NR1D2: variants seen among roughly 807,000 people sequenced by gnomAD.
NR1D2 encodes the protein V-erbA-related protein 1-related.
NR1D2 carries 25 observed loss-of-function variants against 52.2 expected under a neutral mutation model. That is an observed-to-expected ratio of 0.48 (90% CI 0.35 to 0.67). NR1D2 has a LOEUF of 0.67. NR1D2 is among the 30% of genes least tolerant of loss of function. The probability of loss-of-function intolerance (pLI) is 0.01; values close to 1 mark genes in which losing one functional copy is unlikely to be tolerated. For synonymous variants in NR1D2, 259 were observed against 230.1 expected, an observed-to-expected ratio of 1.13 and a Z score of -1.14; for missense variants, 681 against 707.2, an observed-to-expected ratio of 0.96 and a Z score of 0.42.
chr3:23,966,169 G>A (rs924073238), intron 6 of NR1D2, among the ~76,000 whole-genome samples: 1 of 152,216 alleles, frequency 6.6e-6, no homozygotes, highest in East Asian at 1.9e-4. Flanking sequence ...CTGAGATTGG[G>A]GTGGTGAGAG....
At chr3:23,956,227 A>G in intron 3 of NR1D2, 102 bp downstream of exon 3, 2 of 846,014 alleles carry the variant, frequency 2.4e-6, no homozygotes, top group Admixed American at 3.8e-5. Context: ...AGACAGTGAG[A>G]AGTCAGCTGC....
intron 1 of NR1D2, among the ~76,000 whole-genome samples, chr3:23,952,557 A>C (rs549693193): frequency 1.2e-4 from 18 of 151,822 alleles, no homozygotes; most frequent in South Asian, 2.1e-4. Flanking sequence ...TAAAAAAAAA[A>C]CAAAAACCAA....
chr3:23,978,134 A>G lies in NR1D2; in HGVS notation c.*715A>G, dbSNP rs1278565607. On this transcript the variant is annotated 3_prime_UTR_variant, in exon 8 of 8. Transcript: ENST00000312521. ...TGGGAAATCATTTCAGTCCACACCA[A>G]CCATATTATTCAGGGTTCCTGCCAT... 4 of 152,208 alleles carry G rather than the reference A, an allele frequency of 2.6e-5. No homozygotes were observed. The highest frequency in any genetic ancestry group is 2.6e-4 in the Admixed American group (4 of 15,280). 9.4% of individuals were successfully genotyped at this position (152,208 alleles called of 1,614,324 possible).
At chr3:23,972,939 C>T (rs1166327883) in intron 7 of NR1D2, among the ~76,000 whole-genome samples, 1 of 152,052 alleles carries the variant, frequency 6.6e-6, no homozygotes, top group Non-Finnish European at 1.5e-5. Context: ...CATCCATTTC[C>T]CTGAAGTTCT....
chr3:23,964,073 CT>C (rs1325900166), intron 5 of NR1D2, among the ~76,000 whole-genome samples: 2 of 148,562 alleles, frequency 1.3e-5, no homozygotes, highest in African/African-American at 4.9e-5. Flanking sequence ...TGGGCAGTGA[CT>C]TTTTTTTCTT....
intron 7 of NR1D2, 109 bp downstream of exon 7, chr3:23,968,132 T>G: frequency 9.0e-6 from 7 of 775,464 alleles, no homozygotes; most frequent in Non-Finnish European, 1.5e-5. Context: ...AATAAGGCCT[T>G]AAGGAAGATG....
At chr3:23,960,281 TG>T (rs1173200381) in intron 4 of NR1D2, among the ~76,000 whole-genome samples, 2 of 150,948 alleles carry the variant, frequency 1.3e-5, no homozygotes, top group African/African-American at 4.9e-5. Flanking sequence ...GGCATGCACC[TG>T]TAATCCCAGT....
Position 23,962,311 on chromosome 3 carries a change from A to G in NR1D2, c.852A>G (p.Gly284=). The G allele has an allele frequency of 6.2e-7, 1 of 1,614,250 alleles. No homozygotes were observed. Residue 284 remains glycine, a synonymous_variant, in exon 5 of 8, where the codon GGA becomes GGG. Transcript: ENST00000312521. ...CTGAGAGCATGCAGCCCCAGAGAGGAGAACGGATTCCCAAGAACATGGAGC... is the reference window on the plus strand; with the variant it reads ...CTGAGAGCATGCAGCCCCAGAGAGGGGAACGGATTCCCAAGAACATGGAGC... ...NSAESMQPQR[G]ERIPKNMEQY...
rs1283230675 is a variant in NR1D2 at position 23,980,029 on chromosome 3, G to C, written c.*2610G>C. On this transcript the variant is annotated 3_prime_UTR_variant, in exon 8 of 8. Transcript: ENST00000312521. Reference sequence around the variant, plus strand: ...TCAAGTTGATAGAAATAGCTGAGGGGAAAAGGGGGAACATCTTGGGATGAA... The same window carrying C: ...TCAAGTTGATAGAAATAGCTGAGGGCAAAAGGGGGAACATCTTGGGATGAA... 1 of 152,068 alleles carries C rather than the reference G, an allele frequency of 6.6e-6. No homozygotes were observed. The highest frequency in any genetic ancestry group is 1.9e-4 in the East Asian group (1 of 5,200). 9.4% of individuals were successfully genotyped at this position (152,068 alleles called of 1,614,324 possible).
At chr3:23,962,707 A>T in intron 5 of NR1D2, 102 bp downstream of exon 5, 1 of 1,136,628 alleles carries the variant, frequency 8.8e-7, no homozygotes, top group Non-Finnish European at 1.3e-6. Context: ...GTGTCAGGAA[A>T]CCTAAGAAAT....
chr3:23,965,735 C>T (rs1477714099), intron 6 of NR1D2, among the ~76,000 whole-genome samples: 1 of 152,154 alleles, frequency 6.6e-6, no homozygotes, highest in East Asian at 1.9e-4. Flanking sequence ...GTATCTACAG[C>T]ATATGAACTC....
At chr3:23,966,638 T>G (rs927740112) in intron 6 of NR1D2, among the ~76,000 whole-genome samples, 1 of 152,362 alleles carries the variant, frequency 6.6e-6, no homozygotes, top group East Asian at 1.9e-4. Flanking sequence ...GAATCTTTGT[T>G]AATAGAGTGG....
chr3:23,959,181 T>G (rs35886023), intron 3 of NR1D2, among the ~76,000 whole-genome samples: 46,931 of 150,968 alleles, frequency 0.31, 7,595 homozygotes, highest in African/African-American at 0.37. Context: ...GGTTGGAAAA[T>G]TGAGCCAGGG....
At chr3:23,950,846 A>G (rs1489897249) in intron 1 of NR1D2, among the ~76,000 whole-genome samples, 2 of 151,296 alleles carry the variant, frequency 1.3e-5, no homozygotes, top group African/African-American at 4.9e-5. Flanking sequence ...AGTGCTTGCA[A>G]CCAATTTTTA....
rs760282089 is a variant in NR1D2 at position 23,977,302 on chromosome 3, GA to G, written c.1628del (p.Asn543ThrfsTer14). 1 of 1,613,470 alleles carries G rather than the reference GA, an allele frequency of 6.2e-7. No individual in the cohort carries two copies. ...TTCGTGCACTAAGGACCTTAATAAT[GA>G]AAAACCATCCAAATGAGGCCTCTAT... ...LIRALRTLIM[K>X]NHPNEASIFT... On this transcript the variant is annotated frameshift_variant, in exon 8 of 8. Coordinates refer to ENST00000312521, the MANE Select transcript of NR1D2 (RefSeq NM_005126.5). LOFTEE classifies it high-confidence loss of function.
intron 6 of NR1D2, among the ~76,000 whole-genome samples, chr3:23,967,179 T>C (rs1418298955): frequency 6.6e-6 from 1 of 151,990 alleles, no homozygotes; most frequent in Non-Finnish European, 1.5e-5. Context: ...TAAAATCAGC[T>C]GGGCGTGGTG....
At chr3:23,946,077 C>T in intron 1 of NR1D2, 7 of 984,310 alleles carry the variant, frequency 7.1e-6, no homozygotes, top group Non-Finnish European at 8.4e-6. Flanking sequence ...TCCCGGGAGG[C>T]TCCGCCCCTT....
chr3:23,972,350 T>C (rs896774854), intron 7 of NR1D2, among the ~76,000 whole-genome samples: 9 of 152,226 alleles, frequency 5.9e-5, no homozygotes, highest in Admixed American at 2.0e-4. Context: ...TCCATTATAC[T>C]GCTTGTTAAC....
intron 7 of NR1D2, among the ~76,000 whole-genome samples, chr3:23,974,028 A>C (rs945084843): frequency 6.7e-6 from 1 of 150,232 alleles, no homozygotes; most frequent in Non-Finnish European, 1.5e-5. Context: ...TTTCTATGAT[A>C]ACAATGCATT....
Sources: gnomAD v4.1 joint callset for allele counts (sites outside exome capture counted in the v4.1 genomes callset) on GRCh38, gnomAD v4.1.1 for gene constraint, MANE v1.5 for transcripts, NCBI Gene and HGNC (gene_info 2026-07-23, HGNC 2026-07-21) for gene names.